MOXD1: variants seen among roughly 807,000 people sequenced by gnomAD.
The protein encoded by MOXD1 is monooxygenase DBH like 1, also known as DBH-like monooxygenase protein 1.
A neutral mutation model predicts 66.6 loss-of-function variants in MOXD1; 62 were observed. The ratio of observed to expected loss-of-function variants is 0.93; its 90% CI spans 0.76 to 1.15. The LOEUF is 1.15. Among genes scored for constraint, MOXD1 ranks in the 50% most tolerant of loss-of-function variants. The pLI is 0.00. For synonymous variants in MOXD1, 303 were observed against 281.9 expected (o/e 1.07, Z -0.75); for missense variants, 847 against 754.6 (o/e 1.12, Z -1.44).
At chr6:132,377,607 T>C (rs1279379830) in intron 1 of MOXD1, among the ~76,000 whole-genome samples, 1 of 152,208 alleles carries the variant, frequency 6.6e-6, no homozygotes, top group East Asian at 1.9e-4. Context: ...TCACTCAACT[T>C]ATGTTGATGA....
chr6:132,328,286 A>G (rs1274416897), intron 5 of MOXD1, 129 bp downstream of exon 5: 3 of 1,298,374 alleles, frequency 2.3e-6, no homozygotes, highest in Non-Finnish European at 2.1e-6. Flanking sequence ...TCCTACGAAA[A>G]TGGAGTTAAG....
At chr6:132,332,328 A>T (rs2114591584) in intron 4 of MOXD1, among the ~76,000 whole-genome samples, 1 of 152,300 alleles carries the variant, frequency 6.6e-6, no homozygotes, top group South Asian at 2.1e-4. Flanking sequence ...GGAGAGGATA[A>T]AAAGGCTTGG....
chr6:132,336,022 G>A lies in MOXD1; in HGVS notation c.664-7428C>T, dbSNP rs186817062. ...TGAGAAACACAGGGAGGTTACTAGC[G>A]CCCTTTTGAACAATTTTCCTGTACT... On this transcript the variant is annotated intron_variant, in intron 4 of 11. Transcript: ENST00000367963. Among the ~76,000 whole-genome samples the A allele has an allele frequency of 2.2e-4, 34 of 152,182 alleles. No homozygotes were observed. The South Asian group carries it at 2.5e-3, about 11-fold the overall frequency.
At chr6:132,356,376 A>G (rs144289261) in intron 4 of MOXD1, among the ~76,000 whole-genome samples, 1 of 152,354 alleles carries the variant, frequency 6.6e-6, no homozygotes, top group African/African-American at 2.4e-5. Context: ...CAGGCAATAA[A>G]TTTAAAAGAC....
intron 4 of MOXD1, among the ~76,000 whole-genome samples, chr6:132,343,979 T>A (rs1371910805): frequency 6.6e-6 from 1 of 152,134 alleles, no homozygotes; most frequent in Non-Finnish European, 1.5e-5. Context: ...ATAAGATATA[T>A]GAAGTTTTTT....
intron 10 of MOXD1, among the ~76,000 whole-genome samples, chr6:132,309,731 T>C (rs1774781097): frequency 6.6e-6 from 1 of 151,924 alleles, no homozygotes; most frequent in African/African-American, 2.4e-5. Flanking sequence ...TTAACAAACT[T>C]GACAAAAACA....
intron 10 of MOXD1, among the ~76,000 whole-genome samples, chr6:132,307,907 A>G (rs895448187): frequency 3.3e-5 from 5 of 152,226 alleles, no homozygotes; most frequent in African/African-American, 1.2e-4. Context: ...TCCCCACATC[A>G]GAAAGCTAGA....
At chr6:132,374,543 T>C in intron 2 of MOXD1, 88 bp downstream of exon 2, 1 of 1,123,904 alleles carries the variant, frequency 8.9e-7, no homozygotes, top group Non-Finnish European at 1.2e-6. Context: ...AAAAAGACTA[T>C]ATGACTTGTT....
chr6:132,358,759 G>T (rs72994822), intron 4 of MOXD1, among the ~76,000 whole-genome samples: 3,772 of 152,212 alleles, frequency 0.025, 72 homozygotes, highest in Middle Eastern at 0.037. Flanking sequence ...ATTAATAAAG[G>T]TAATTTTATA....
At chr6:132,369,139 G>T (rs1275396155) in intron 4 of MOXD1, among the ~76,000 whole-genome samples, 1 of 152,056 alleles carries the variant, frequency 6.6e-6, no homozygotes, top group East Asian at 1.9e-4. Flanking sequence ...GGCTACTACT[G>T]ATCAGAATCT....
In MOXD1 at chr6:132,324,154, C is replaced by T. The variant is rs1562282283; in HGVS notation, c.947-57G>A. The stretch of plus-strand genomic sequence containing the variant: ...TTGGTTCTTAAAATGTTTTCATTCC[C>T]AAGAAAATTCTTGGTTTGAATTTTT... On this transcript the variant is annotated intron_variant, in intron 6 of 11. Coordinates refer to ENST00000367963, the MANE Select transcript of MOXD1 (RefSeq NM_015529.4). 4 of 1,523,852 alleles carry T rather than the reference C, an allele frequency of 2.6e-6. No homozygotes were observed. The East Asian group carries it at 9.3e-5, about 36-fold the overall frequency. 94.4% of individuals were successfully genotyped at this position (1,523,852 alleles called of 1,614,324 possible). A position where few individuals can be genotyped will look rare whatever the true frequency, so the allele number is the denominator to read the frequency against.
At position 132,315,767 on chromosome 6, in the gene MOXD1, C is replaced by T. The variant is rs201228813; in HGVS notation, c.1376G>A (p.Ser459Asn). ...DRAEMTWGGL[S>N]TRSEMCLSYL... ...TGAGAGACACATTTCACTCCTGGTG[C>T]TTAGTCCTCCCTGAAAACAGATAGT... The change falls in exon 10 of 12, where the codon AGC becomes AAC. Residue 459 changes from serine to asparagine, a missense_variant. Coordinates refer to ENST00000367963, the MANE Select transcript of MOXD1 (RefSeq NM_015529.4). 1.4e-5 allele frequency: 23 copies of T among 1,613,210 alleles called. No individual in the cohort carries two copies. The East Asian group carries it at 4.2e-4, about 30-fold the overall frequency.
At chr6:132,333,180 C>T (rs1373455648) in intron 4 of MOXD1, among the ~76,000 whole-genome samples, 2 of 151,724 alleles carry the variant, frequency 1.3e-5, no homozygotes, top group Non-Finnish European at 2.9e-5. Context: ...ACTAAAAATA[C>T]AAAAAATTAG....
In MOXD1 at chr6:132,369,637, C is replaced by A. The variant is rs147048449; in HGVS notation, c.663+2971G>T. ...TGACTTCAACACAAGAACTCTGATA[C>A]CATGACAATCTGATAACTGCAAGAG... On this transcript the variant is annotated intron_variant, in intron 4 of 11. Transcript: ENST00000367963. 4.2e-3 allele frequency among the ~76,000 whole-genome samples: 634 copies of A among 152,064 alleles called. 2 individuals are homozygous for A. In the Middle Eastern group the frequency reaches 0.051, roughly 12 times the overall value.
At chr6:132,334,079 C>A (rs938306648) in intron 4 of MOXD1, among the ~76,000 whole-genome samples, 1 of 152,204 alleles carries the variant, frequency 6.6e-6, no homozygotes, top group Non-Finnish European at 1.5e-5. Flanking sequence ...TTCCTAATCT[C>A]ATCATCTCTT....
At chr6:132,335,714 T>G (rs1380552816) in intron 4 of MOXD1, among the ~76,000 whole-genome samples, 1 of 152,202 alleles carries the variant, frequency 6.6e-6, no homozygotes, top group Non-Finnish European at 1.5e-5. Context: ...TGCAGTCATT[T>G]ATTACAGCAG....
chr6:132,394,167 C>T (rs999091997), intron 1 of MOXD1, among the ~76,000 whole-genome samples: 6 of 152,154 alleles, frequency 3.9e-5, no homozygotes, highest in Non-Finnish European at 7.3e-5. Flanking sequence ...CTAATAATCA[C>T]ACCCTAAACC....
chr6:132,311,240 A>G (rs769037816), intron 10 of MOXD1, among the ~76,000 whole-genome samples: 1 of 152,222 alleles, frequency 6.6e-6, no homozygotes, highest in Admixed American at 6.5e-5. Context: ...CTTACTGATT[A>G]AACAACTTGA....
At chr6:132,335,729 A>T (rs1284205036) in intron 4 of MOXD1, among the ~76,000 whole-genome samples, 2 of 152,230 alleles carry the variant, frequency 1.3e-5, no homozygotes, top group African/African-American at 4.8e-5. Context: ...CAGCAGCCCT[A>T]GGAAATTCAT....
Sources: gnomAD v4.1 joint callset for allele counts (sites outside exome capture counted in the v4.1 genomes callset) on GRCh38, gnomAD v4.1.1 for gene constraint, MANE v1.5 for transcripts, NCBI Gene and HGNC (gene_info 2026-07-23, HGNC 2026-07-21) for gene names.